The following PALM variants were observed in gnomAD, a reference collection of about 807,000 sequenced individuals.
PALM encodes the protein paralemmin-1.
In PALM, 18 loss-of-function variants were observed where a neutral mutation model predicts 30.7. The ratio of observed to expected loss-of-function variants is 0.59; its 90% CI spans 0.41 to 0.87. The LOEUF (loss-of-function observed/expected upper bound fraction) is 0.87, where lower values mean the gene tolerates loss of function less well. Ranked by LOEUF, PALM falls within the 40% of genes least tolerant of loss-of-function variation. PALM has a pLI of 0.00. For synonymous variants in PALM, 286 were observed against 242.8 expected, an observed-to-expected ratio of 1.18 and a Z score of -1.66; for missense variants, 529 against 555.4, an observed-to-expected ratio of 0.95 and a Z score of 0.48.
At chr19:724,891 T>G (rs568109478) in intron 1 of PALM, among the ~76,000 whole-genome samples, 64 of 152,138 alleles carry the variant, frequency 4.2e-4, no homozygotes, top group Admixed American at 1.6e-3. Flanking sequence ...CCCAAAGTGC[T>G]AAAATTACAG....
At chr19:732,630 G>A (rs768169338) in intron 5 of PALM, among the ~76,000 whole-genome samples, 16 of 152,136 alleles carry the variant, frequency 1.1e-4, no homozygotes, top group Admixed American at 2.0e-4. Context: ...GGGGGCAGAG[G>A]TTGCAGTGAG....
At chr19:711,663 C>T (rs764076488) in intron 1 of PALM, among the ~76,000 whole-genome samples, 2 of 152,180 alleles carry the variant, frequency 1.3e-5, no homozygotes, top group African/African-American at 4.8e-5. Context: ...TTGTTTGTGG[C>T]GGTGGCTTCT....
At chr19:744,780 G>C (rs1052253701) in intron 8 of PALM, among the ~76,000 whole-genome samples, 2 of 151,490 alleles carry the variant, frequency 1.3e-5, no homozygotes, top group African/African-American at 4.9e-5. Flanking sequence ...TGTAATCCCA[G>C]CTACTCTGGA....
intron 7 of PALM, among the ~76,000 whole-genome samples, chr19:739,250 G>A (rs551205567): frequency 1.2e-4 from 19 of 152,142 alleles, no homozygotes; most frequent in Admixed American, 9.2e-4. Flanking sequence ...GTGTCCAACC[G>A]TTGGCTGGAA....
chr19:728,863 G>T (rs2032777641), intron 4 of PALM, among the ~76,000 whole-genome samples: 1 of 152,050 alleles, frequency 6.6e-6, no homozygotes, highest in Admixed American at 6.6e-5. Context: ...AATTAGCCAG[G>T]CGTGGTGGCG....
chr19:744,411 A>AAG, intron 8 of PALM, among the ~76,000 whole-genome samples: 1 of 151,836 alleles, frequency 6.6e-6, no homozygotes, highest in East Asian at 1.9e-4. Context: ...AAAAAAAAAA[A>AAG]AAATAGAAAG....
In PALM at chr19:736,491, C is replaced by T. The variant is rs79787516; in HGVS notation, c.502+413C>T. On this transcript the variant is annotated intron_variant, in intron 7 of 8. Coordinates refer to ENST00000338448, the MANE Select transcript of PALM (RefSeq NM_002579.3). ...TGGCTGCCCCGGGAGAAAGTGGGTG[C>T]CCCGTCCCTGGAGGCAACCAAGCCA... Among the ~76,000 whole-genome samples the T allele has an allele frequency of 0.022, 3,328 of 152,298 alleles. 327 individuals are homozygous for T. The East Asian group carries it at 0.32, about 15-fold the overall frequency.
rs1017674395 is a variant in PALM at position 709,978 on chromosome 19, C to T, written c.5+827C>T. Among the ~76,000 whole-genome samples, 6 of 152,160 alleles carry T rather than the reference C, an allele frequency of 3.9e-5. No homozygotes were observed. The highest frequency in any genetic ancestry group is 8.8e-5 in the Non-Finnish European group (6 of 68,006). On this transcript the variant is annotated intron_variant, in intron 1 of 8. Coordinates refer to ENST00000338448, the MANE Select transcript of PALM (RefSeq NM_002579.3). The surrounding 1 kb of genome is among the most constrained non-coding windows in gnomAD (Gnocchi z 4.3). ...GGTCATTTCGGACACCGGTCCCCTC[C>T]TCCCGGTGCTCGGGTGCCCCTCTGC...
At chr19:730,748 C>T (rs1355110447) in intron 4 of PALM, among the ~76,000 whole-genome samples, 1 of 152,118 alleles carries the variant, frequency 6.6e-6, no homozygotes, top group African/African-American at 2.4e-5. Context: ...GCCTGGAATC[C>T]CAGCACTTTG....
chr19:741,950 G>A (rs1254169953), intron 8 of PALM, among the ~76,000 whole-genome samples: 1 of 152,188 alleles, frequency 6.6e-6, no homozygotes, highest in Admixed American at 6.5e-5. Context: ...GGGCTCAGGC[G>A]ATCCTCCTGC....
chr19:711,634 C>T (rs1050073381), intron 1 of PALM, among the ~76,000 whole-genome samples: 3 of 152,196 alleles, frequency 2.0e-5, no homozygotes, highest in African/African-American at 4.8e-5. Flanking sequence ...TCTGTTTCTT[C>T]CTCCATGTTT....
chr19:746,263 C>T lies in PALM; in HGVS notation c.635-22C>T, dbSNP rs763081019. The T allele has an allele frequency of 6.2e-7, 1 of 1,602,630 alleles. No individual in the cohort carries two copies. The highest frequency in any genetic ancestry group is 8.5e-7 in the Non-Finnish European group (1 of 1,174,172). ...CCCTCCTGCCTGGAGCTGGGTCATT[C>T]TCTCTGTCTCTCCTTGTACAGTGGT... On this transcript the variant is annotated intron_variant, in intron 8 of 8. Coordinates refer to ENST00000338448, the MANE Select transcript of PALM (RefSeq NM_002579.3). This position sits in a 1 kb window ranked among gnomAD's most constrained non-coding sequence, Gnocchi z 7.1.
chr19:727,598 G>T lies in PALM; in HGVS notation c.173G>T (p.Gly58Val). Residue 58 changes from glycine to valine, a missense_variant, in exon 4 of 9, where the codon GGG becomes GTG. Transcript: ENST00000338448. The stretch of plus-strand genomic sequence containing the variant: ...CTGCGGGAGCGCTGGCTGCTGGAGG[G>T]GACGCCGTCCTCGGCCTCAGAGGGG... ...KALRERWLLE[G>V]TPSSASEGDE... is the part of the protein sequence containing the mutation. The T allele has an allele frequency of 6.3e-7, 1 of 1,586,940 alleles. No homozygotes were observed. Among genetic ancestry groups the T allele is most frequent in the South Asian group, 1.1e-5 (1 of 87,096 alleles).
chr19:727,602 G>T lies in PALM; in HGVS notation c.177G>T (p.Thr59=). Residue 59 remains threonine (T), a synonymous_variant, in exon 4 of 9, where the codon ACG becomes ACT. Coordinates refer to ENST00000338448, the MANE Select transcript of PALM (RefSeq NM_002579.3). ...GGGAGCGCTGGCTGCTGGAGGGGAC[G>T]CCGTCCTCGGCCTCAGAGGGGGATG... ...ALRERWLLEG[T]PSSASEGDED... 6.3e-7 allele frequency: 1 copy of T among 1,582,618 alleles called. No individual in the cohort carries two copies. The highest frequency in any genetic ancestry group is 8.6e-7 in the Non-Finnish European group (1 of 1,165,136).
intron 1 of PALM, among the ~76,000 whole-genome samples, chr19:724,385 G>A (rs1178165011): frequency 2.0e-5 from 3 of 151,994 alleles, no homozygotes; most frequent in Non-Finnish European, 4.4e-5. Flanking sequence ...GCAGTGGCGC[G>A]ATCTCGGCTC....
chr19:740,843 T>C (rs936916959), intron 8 of PALM, among the ~76,000 whole-genome samples: 1 of 151,892 alleles, frequency 6.6e-6, no homozygotes, highest in African/African-American at 2.4e-5. Flanking sequence ...TTCGTTTAAA[T>C]AATTACTGCT....
At chr19:725,458 A>G (rs36053727) in intron 1 of PALM, among the ~76,000 whole-genome samples, 91,215 of 151,874 alleles carry the variant, frequency 0.6, 27,635 homozygotes, top group East Asian at 0.83. Context: ...CTACTCAGGA[A>G]GCTGAGGCAG....
intron 7 of PALM, among the ~76,000 whole-genome samples, chr19:736,375 C>T (rs1422122230): frequency 6.6e-6 from 1 of 152,218 alleles, no homozygotes; most frequent in African/African-American, 2.4e-5. Flanking sequence ...CCTAATCTCA[C>T]GGCTCCCTCC....
chr19:720,633 T>A (rs1441728812), intron 1 of PALM, among the ~76,000 whole-genome samples: 1 of 88,602 alleles, frequency 1.1e-5, no homozygotes, highest in Admixed American at 1.2e-4. Flanking sequence ...GGGGCGCCCG[T>A]GACTGCGGGG....
Sources: allele counts gnomAD v4.1 joint callset (sites outside exome capture counted in the v4.1 genomes callset), GRCh38; gene constraint gnomAD v4.1.1; non-coding constraint Gnocchi (gnomAD v3.1); transcripts MANE v1.5; gene names NCBI Gene and HGNC (gene_info 2026-07-23, HGNC 2026-07-21).